The following PRKAG2 variants were observed in gnomAD, a reference collection of about 807,000 sequenced individuals.
PRKAG2 encodes the protein 5'-AMP-activated protein kinase subunit gamma-2.
PRKAG2 carries 26 observed loss-of-function variants against 69.6 expected under a neutral mutation model. The observed-to-expected ratio is 0.37, with a 90% CI of 0.27 to 0.52. The LOEUF is 0.52. Among genes scored for constraint, PRKAG2 ranks in the 20% least tolerant of loss-of-function variants. The pLI is 0.90. For missense variants in PRKAG2, 557 were observed against 740.0 expected (o/e 0.75, Z 2.87); for synonymous variants, 293 against 285.0 (o/e 1.03, Z -0.28).
chr7:151,568,235 T>C (rs1401248082), intron 11 of PRKAG2, among the ~76,000 whole-genome samples: 1 of 152,234 alleles, frequency 6.6e-6, no homozygotes, highest in African/African-American at 2.4e-5. Context: ...TGGTATTCTC[T>C]TGCCAAAATT....
chr7:151,863,448 T>A (rs1033814388), intron 1 of PRKAG2, among the ~76,000 whole-genome samples: 1 of 152,126 alleles, frequency 6.6e-6, no homozygotes, highest in Admixed American at 6.5e-5. Context: ...AGGGGTCAGC[T>A]GAGGCCTTTG....
chr7:151,716,762 T>C (rs1331488140), intron 3 of PRKAG2, among the ~76,000 whole-genome samples: 1 of 152,130 alleles, frequency 6.6e-6, no homozygotes, highest in Non-Finnish European at 1.5e-5. Context: ...GGAAACAGCG[T>C]CTGAAACACA....
At chr7:151,775,273 C>A (rs763985212) in intron 3 of PRKAG2, among the ~76,000 whole-genome samples, 5 of 152,186 alleles carry the variant, frequency 3.3e-5, no homozygotes, top group Non-Finnish European at 5.9e-5. Context: ...CCCCCCACCC[C>A]GCCCTGATTG....
Position 151,710,248 on chromosome 7 carries a change from C to T in PRKAG2, c.467-34611G>A, listed in dbSNP as rs185210441. 1.2e-4 allele frequency among the ~76,000 whole-genome samples: 18 copies of T among 152,226 alleles called. No individual in the cohort carries two copies. In the South Asian group the frequency reaches 2.5e-3, roughly 21 times the overall value. ...AGGATTGAAACCAGAACTCTAAGTCCGGGACTTTCTGCCACCCGTGCCCCG... is the reference window on the plus strand; with the variant it reads ...AGGATTGAAACCAGAACTCTAAGTCTGGGACTTTCTGCCACCCGTGCCCCG... On this transcript the variant is annotated intron_variant, in intron 3 of 15. Transcript: ENST00000287878.
rs1405590159 is a variant in PRKAG2 at position 151,591,740 on chromosome 7, G to A, written c.864+3605C>T. ...CAGGCTGCTCTTCTGTGTGGCCTTA[G>A]GACCCAGCAAGGTTGATATTAGGGG... On this transcript the variant is annotated intron_variant, in intron 6 of 15. Coordinates refer to ENST00000287878, the MANE Select transcript of PRKAG2 (RefSeq NM_016203.4). Among the ~76,000 whole-genome samples the A allele has an allele frequency of 2.0e-5, 3 of 152,154 alleles. 1 individual carries two copies. Among genetic ancestry groups the A allele is most frequent in the South Asian group, 4.1e-4 (2 of 4,828 alleles).
In PRKAG2 at chr7:151,786,558, G is replaced by A. The variant is rs1317906345; in HGVS notation, c.115-17C>T. The A allele has an allele frequency of 1.9e-6, 3 of 1,608,006 alleles. No homozygotes were observed. The highest frequency in any genetic ancestry group is 3.4e-5 in the Admixed American group (2 of 59,386). Reference sequence around the variant, plus strand: ...GCTCAGGTCCTAGGGTGGACAGAGAGCACGTGGTCAGTGACAGTGGCCCTC... The same window carrying A: ...GCTCAGGTCCTAGGGTGGACAGAGAACACGTGGTCAGTGACAGTGGCCCTC... On this transcript the variant is annotated splice_polypyrimidine_tract_variant and intron_variant, in intron 1 of 15. Coordinates refer to ENST00000287878, the MANE Select transcript of PRKAG2 (RefSeq NM_016203.4).
At chr7:151,712,992 A>C (rs935145429) in intron 3 of PRKAG2, among the ~76,000 whole-genome samples, 1 of 152,212 alleles carries the variant, frequency 6.6e-6, no homozygotes, top group African/African-American at 2.4e-5. Context: ...ACGTGCCAAG[A>C]GCAGAGGGGC....
intron 1 of PRKAG2, among the ~76,000 whole-genome samples, chr7:151,845,255 T>C (rs916627358): frequency 6.6e-6 from 1 of 152,058 alleles, no homozygotes; most frequent in Non-Finnish European, 1.5e-5. Flanking sequence ...CCTTCTCAGG[T>C]GAAGACGTTG....
chr7:151,645,542 T>C (rs1012897376), intron 4 of PRKAG2, among the ~76,000 whole-genome samples: 10 of 152,210 alleles, frequency 6.6e-5, no homozygotes, highest in African/African-American at 2.4e-4. Flanking sequence ...GCCACTAAGT[T>C]TGTGGTAATC....
intron 9 of PRKAG2, among the ~76,000 whole-genome samples, chr7:151,570,532 C>T (rs1807298243): frequency 6.6e-6 from 1 of 152,122 alleles, no homozygotes; most frequent in African/African-American, 2.4e-5. Context: ...CAGCAGAGGT[C>T]ACTAGAATGC....
At chr7:151,687,234 G>A (rs975168778) in intron 3 of PRKAG2, among the ~76,000 whole-genome samples, 2 of 152,196 alleles carry the variant, frequency 1.3e-5, no homozygotes, top group Admixed American at 6.5e-5. Context: ...GGAGGTCAGA[G>A]TTCTACATCA....
chr7:151,691,458 TAAC>T (rs1008848932), intron 3 of PRKAG2, among the ~76,000 whole-genome samples: 6 of 135,366 alleles, frequency 4.4e-5, no homozygotes, highest in Admixed American at 2.3e-4. Context: ...CAAAACTCAG[TAAC>T]AACAACAACA....
chr7:151,565,023 C>A (rs886569670), intron 13 of PRKAG2, among the ~76,000 whole-genome samples: 1 of 152,108 alleles, frequency 6.6e-6, no homozygotes. Flanking sequence ...ACTGCGCACG[C>A]GTCTAGAGGC....
intron 3 of PRKAG2, among the ~76,000 whole-genome samples, chr7:151,750,684 G>A (rs1366763482): frequency 6.6e-6 from 1 of 152,112 alleles, no homozygotes; most frequent in Non-Finnish European, 1.5e-5. Context: ...TGGGGTGATG[G>A]TCGCACAACA....
At chr7:151,637,035 G>C (rs1039286736) in intron 4 of PRKAG2, among the ~76,000 whole-genome samples, 1 of 152,130 alleles carries the variant, frequency 6.6e-6, no homozygotes, top group South Asian at 2.1e-4. Context: ...AGGACCTGCT[G>C]AACTGTTTTC....
intron 1 of PRKAG2, among the ~76,000 whole-genome samples, chr7:151,842,014 A>T (rs1158927639): frequency 1.5e-5 from 2 of 136,242 alleles, no homozygotes; most frequent in Admixed American, 7.3e-5. Flanking sequence ...GATGGTAGTG[A>T]TGGTAGGTAG....
chr7:151,606,311 C>T (rs563424728), intron 5 of PRKAG2, among the ~76,000 whole-genome samples: 2 of 152,234 alleles, frequency 1.3e-5, no homozygotes, highest in South Asian at 4.1e-4. Flanking sequence ...AAATATAAAA[C>T]GTTCCTTTTT....
chr7:151,654,843 C>T lies in PRKAG2; in HGVS notation c.684+20577G>A, dbSNP rs185726724. ...AAGTAGCTGGGGCTACAGGCATGTG[C>T]CACCACGCCTGGCTAATTTTTGTAT... On this transcript the variant is annotated intron_variant, in intron 4 of 15. Coordinates refer to ENST00000287878, the MANE Select transcript of PRKAG2 (RefSeq NM_016203.4). Among the ~76,000 whole-genome samples the T allele has an allele frequency of 3.9e-3, 597 of 152,306 alleles. 2 individuals carry two copies. The highest frequency in any genetic ancestry group is 6.9e-3 in the Non-Finnish European group (472 of 68,026).
chr7:151,626,973 C>A (rs1342652715), intron 5 of PRKAG2, among the ~76,000 whole-genome samples: 1 of 152,114 alleles, frequency 6.6e-6, no homozygotes, highest in Non-Finnish European at 1.5e-5. Flanking sequence ...GTTACTCACT[C>A]CAGTTGAGAA....
Sources: allele counts gnomAD v4.1 joint callset (sites outside exome capture counted in the v4.1 genomes callset), GRCh38; gene constraint gnomAD v4.1.1; transcripts MANE v1.5; gene names NCBI Gene and HGNC (gene_info 2026-07-23, HGNC 2026-07-21).